PGRMC2: variants seen among roughly 807,000 people sequenced by gnomAD.
PGRMC2 encodes the protein membrane-associated progesterone receptor component 2.
PGRMC2 carries 9 observed loss-of-function variants against 19.3 expected under a neutral mutation model. The observed-to-expected ratio is 0.47, with a 90% confidence interval of 0.28 to 0.81. PGRMC2 has a LOEUF of 0.81. PGRMC2 is among the 40% of genes least tolerant of loss of function. PGRMC2 has a pLI of 0.11. For missense variants in PGRMC2, 289 were observed against 297.3 expected, an observed-to-expected ratio of 0.97 and a Z score of 0.21; for synonymous variants, 157 against 124.6, an observed-to-expected ratio of 1.26 and a Z score of -1.73.
chr4:128,285,087 G>A (rs911398543), intron 1 of PGRMC2, among the ~76,000 whole-genome samples: 1 of 152,058 alleles, frequency 6.6e-6, no homozygotes, highest in Non-Finnish European at 1.5e-5. Flanking sequence ...CTCCCTCAGT[G>A]CACATACCAT....
At position 128,272,488 on chromosome 4, in the gene PGRMC2, C is replaced by A; in HGVS notation, c.448G>T (p.Asp150Tyr). The change falls in exon 2 of 3, where the codon GAT becomes TAT. Residue 150 changes from aspartate (D) to tyrosine (Y), a missense_variant. Coordinates refer to ENST00000296425, the MANE Select transcript of PGRMC2 (RefSeq NM_006320.6). Reference protein sequence around the residue: ...AGPYGIFAGRDASRGLATFCL... With the variant: ...AGPYGIFAGRYASRGLATFCL... ...AATGTGGCCAGTCCTCTGGAGGCATCCCTACCAGCAAATATTCCATATGGA... is the reference window on the plus strand; with the variant it reads ...AATGTGGCCAGTCCTCTGGAGGCATACCTACCAGCAAATATTCCATATGGA... 1 of 1,528,358 alleles carries A rather than the reference C, an allele frequency of 6.5e-7. No individual in the cohort carries two copies. The highest frequency in any genetic ancestry group is 8.8e-7 in the Non-Finnish European group (1 of 1,139,660). 94.7% of individuals were successfully genotyped at this position (1,528,358 alleles called of 1,614,324 possible).
intron 1 of PGRMC2, among the ~76,000 whole-genome samples, chr4:128,282,007 T>C (rs1038318771): frequency 6.6e-6 from 1 of 152,194 alleles, no homozygotes; most frequent in Non-Finnish European, 1.5e-5. Context: ...CTAAATAAAG[T>C]CCTTTGTTAC....
At chr4:128,284,621 T>C (rs879276581) in intron 1 of PGRMC2, among the ~76,000 whole-genome samples, 1 of 150,868 alleles carries the variant, frequency 6.6e-6, no homozygotes, top group Non-Finnish European at 1.5e-5. Context: ...TGACTAAAAA[T>C]AAACACATGT....
At position 128,287,434 on chromosome 4, in the gene PGRMC2, G is replaced by A; in HGVS notation, c.357C>T (p.Ile119=). Reference sequence around the variant, plus strand: ...AGACTTTCCCATTGACCGCGAGCAGGATGCGCGGGTTGCGGGAGCCGTCGT... The same window carrying A: ...AGACTTTCCCATTGACCGCGAGCAGAATGCGCGGGTTGCGGGAGCCGTCGT... ...RQYDGSRNPR[I]LLAVNGKVFD... Residue 119 remains isoleucine, a synonymous_variant, in exon 1 of 3, where the codon ATC becomes ATT. Transcript: ENST00000296425. 3.1e-6 allele frequency: 5 copies of A among 1,613,390 alleles called. No individual in the cohort carries two copies. Among genetic ancestry groups the A allele is most frequent in the Non-Finnish European group, 4.2e-6 (5 of 1,179,508 alleles).
chr4:128,281,103 G>A (rs1760904851), intron 1 of PGRMC2, among the ~76,000 whole-genome samples: 1 of 152,162 alleles, frequency 6.6e-6, no homozygotes, highest in Non-Finnish European at 1.5e-5. Flanking sequence ...ATATTAAAAA[G>A]ATAATAATTT....
intron 1 of PGRMC2, among the ~76,000 whole-genome samples, chr4:128,280,352 G>GAAAAAAAA (rs747302016): frequency 1.7e-5 from 1 of 60,540 alleles, no homozygotes; most frequent in Non-Finnish European, 3.0e-5. Context: ...AAATTTTCTG[G>GAAAAAAAA]GAAAAAAAAA....
rs201851167 is a variant in PGRMC2 at position 128,287,446 on chromosome 4, G to C, written c.345C>G (p.Arg115=). 170 of 1,613,340 alleles carry C rather than the reference G, an allele frequency of 1.1e-4. No individual in the cohort carries two copies. Among genetic ancestry groups the C allele is most frequent in the Non-Finnish European group, 1.3e-4 (159 of 1,179,558 alleles). ...LEQLRQYDGS[R]NPRILLAVNG... ...TGACCGCGAGCAGGATGCGCGGGTT[G>C]CGGGAGCCGTCGTACTGGCGCAGCT... Residue 115 remains arginine (R), a synonymous_variant, in exon 1 of 3, where the codon CGC becomes CGG. Coordinates refer to ENST00000296425, the MANE Select transcript of PGRMC2 (RefSeq NM_006320.6).
At position 128,271,033 on chromosome 4, in the gene PGRMC2, GA is replaced by G; in HGVS notation, c.*282del. ...GGAAAGAAGGAAAAAAGGAAGGAAA[GA>G]AGTAATATTGTGACTTTCTTGCTCT... On this transcript the variant is annotated 3_prime_UTR_variant, in exon 3 of 3. Transcript: ENST00000296425. The G allele has an allele frequency of 4.0e-6, 1 of 248,968 alleles. No homozygotes were observed. Among genetic ancestry groups the G allele is most frequent in the Non-Finnish European group, 7.6e-6 (1 of 131,424 alleles). 15.4% of individuals were successfully genotyped at this position (248,968 alleles called of 1,614,324 possible). A position where few individuals can be genotyped will look rare whatever the true frequency, so the allele number is the denominator to read the frequency against.
chr4:128,271,358 A>G lies in PGRMC2; in HGVS notation c.630T>C (p.Tyr210=), dbSNP rs1414562203. ...GATCCTTGGTATCTTCTTCATCTGTATATTCTGATGGTTCTTCTCCTGGTT... is the reference window on the plus strand; with the variant it reads ...GATCCTTGGTATCTTCTTCATCTGTGTATTCTGATGGTTCTTCTCCTGGTT... The part of the protein sequence containing the change: ...LLKPGEEPSE[Y]TDEEDTKDHN... Residue 210 remains tyrosine, a synonymous_variant, in exon 3 of 3, where the codon TAT becomes TAC. Transcript: ENST00000296425. 4 of 1,607,788 alleles carry G rather than the reference A, an allele frequency of 2.5e-6. No individual in the cohort carries two copies. The highest frequency in any genetic ancestry group is 3.4e-6 in the Non-Finnish European group (4 of 1,174,528).
intron 1 of PGRMC2, among the ~76,000 whole-genome samples, chr4:128,277,079 C>T (rs980042817): frequency 2.6e-5 from 4 of 152,120 alleles, no homozygotes; most frequent in Non-Finnish European, 5.9e-5. Context: ...ATGGCGTGAA[C>T]CTGGGAGGCA....
rs760079893 is a variant in PGRMC2, at chr4:128,287,332, C to G, written c.418+41G>C. The G allele has an allele frequency of 2.6e-6, 4 of 1,559,560 alleles. No homozygotes were observed. In the South Asian group the frequency reaches 4.8e-5, roughly 19 times the overall value. On this transcript the variant is annotated intron_variant, in intron 1 of 2. Transcript: ENST00000296425. The stretch of plus-strand genomic sequence containing the variant: ...TCCCTGTCCGAAGGGGGTTGTGCTT[C>G]AGCTGCAGGGGGTCCTTCCCCTCCC...
Position 128,270,122 on chromosome 4 carries a change from A to G in PGRMC2, c.*1194T>C, listed in dbSNP as rs1279831165. Reference sequence around the variant, plus strand: ...GCACTGGCTTACAGTTCTGTATATAAAGTCCAACTCAAGCTTATTTTGGTT... The same window carrying G: ...GCACTGGCTTACAGTTCTGTATATAGAGTCCAACTCAAGCTTATTTTGGTT... On this transcript the variant is annotated 3_prime_UTR_variant, in exon 3 of 3. Transcript: ENST00000296425. The G allele has an allele frequency of 2.0e-5, 3 of 152,546 alleles. No homozygotes were observed. Among genetic ancestry groups the G allele is most frequent in the Non-Finnish European group, 4.4e-5 (3 of 68,040 alleles). The allele number at this position is 152,546 out of a possible 1,614,324, so 9.4% of individuals were successfully genotyped here.
At chr4:128,281,092 T>A (rs778763146) in intron 1 of PGRMC2, among the ~76,000 whole-genome samples, 1 of 152,140 alleles carries the variant, frequency 6.6e-6, no homozygotes, top group Non-Finnish European at 1.5e-5. Context: ...AAACAAGGAC[T>A]ATATTAAAAA....
chr4:128,271,352 A>G lies in PGRMC2; in HGVS notation c.636T>C (p.Asp212=), dbSNP rs759289697. 29 of 1,606,720 alleles carry G rather than the reference A, an allele frequency of 1.8e-5. No homozygotes were observed. The South Asian group carries it at 2.9e-4, about 16-fold the overall frequency. ...KPGEEPSEYT[D]EEDTKDHNKQ... ...TATTGTGATCCTTGGTATCTTCTTC[A>G]TCTGTATATTCTGATGGTTCTTCTC... Residue 212 remains aspartate (D), a synonymous_variant, in exon 3 of 3, where the codon GAT becomes GAC. Transcript: ENST00000296425.
chr4:128,287,025 G>C (rs1760993701), intron 1 of PGRMC2: 1 of 382,770 alleles, frequency 2.6e-6, no homozygotes, highest in South Asian at 1.0e-4. Context: ...TTAAGGGCCA[G>C]CGTTGACCTG....
intron 1 of PGRMC2, among the ~76,000 whole-genome samples, chr4:128,273,276 A>G (rs554531037): frequency 6.6e-6 from 1 of 152,324 alleles, no homozygotes; most frequent in Admixed American, 6.5e-5. Flanking sequence ...CACATTAAGC[A>G]ATAATTAGCA....
At chr4:128,286,878 CAAAA>C (rs34546633) in intron 1 of PGRMC2, 284 of 327,952 alleles carry the variant, frequency 8.7e-4, no homozygotes, top group East Asian at 1.1e-3. Flanking sequence ...AGATCAGTGG[CAAAA>C]AAAAAAAAAA....
At position 128,270,652 on chromosome 4, in the gene PGRMC2, CTG is replaced by C. The variant is rs1200783769; in HGVS notation, c.*662_*663del. ...GGGAAGGAAAGAGAAGGGATAAAAACTGGTTTCAAATGATCTTTCTGTTGGGG... is the reference window on the plus strand; with the variant it reads ...GGGAAGGAAAGAGAAGGGATAAAAACGTTTCAAATGATCTTTCTGTTGGGG... On this transcript the variant is annotated 3_prime_UTR_variant, in exon 3 of 3. Transcript: ENST00000296425. 1.3e-5 allele frequency: 2 copies of C among 152,616 alleles called. No homozygotes were observed. Among genetic ancestry groups the C allele is most frequent in the African/African-American group, 4.8e-5 (2 of 41,448 alleles). 9.5% of individuals were successfully genotyped at this position (152,616 alleles called of 1,614,324 possible).
intron 1 of PGRMC2, among the ~76,000 whole-genome samples, chr4:128,281,701 A>G (rs1359211725): frequency 6.6e-6 from 1 of 152,238 alleles, no homozygotes; most frequent in Non-Finnish European, 1.5e-5. Context: ...AGAAAAATAA[A>G]ACAACACAGA....
Sources: gnomAD v4.1 joint callset for allele counts (sites outside exome capture counted in the v4.1 genomes callset) on GRCh38, gnomAD v4.1.1 for gene constraint, MANE v1.5 for transcripts, NCBI Gene and HGNC (gene_info 2026-07-23, HGNC 2026-07-21) for gene names.